ZNF280C: variants seen among roughly 807,000 people sequenced by gnomAD.
ZNF280C encodes suppressor of hairy wing homolog 3.
ZNF280C carries 14 observed loss-of-function variants against 53.6 expected under a neutral mutation model. The observed-to-expected ratio is 0.26, with a 90% CI of 0.17 to 0.41. The LOEUF (loss-of-function observed/expected upper bound fraction) is 0.41. Among genes scored for constraint, ZNF280C ranks in the 10% least tolerant of loss-of-function variants. ZNF280C has a pLI of 1.00. For missense variants in ZNF280C, 416 were observed against 547.1 expected, an observed-to-expected ratio of 0.76 and a Z score of 2.39; for synonymous variants, 203 against 181.1, an observed-to-expected ratio of 1.12 and a Z score of -0.97.
chrX:130,252,403 A>C (rs374141615), intron 2 of ZNF280C, among the ~76,000 whole-genome samples: 1 of 111,573 alleles, frequency 9.0e-6, no homozygotes, highest in East Asian at 2.8e-4. Context: ...TATCAATAAA[A>C]TTCAACACCC....
At chrX:130,213,388 G>GA (rs1243065526) in intron 15 of ZNF280C, among the ~76,000 whole-genome samples, 1 of 110,294 alleles carries the variant, frequency 9.1e-6, no homozygotes, top group Non-Finnish European at 1.9e-5. Flanking sequence ...AAAACAAAAC[G>GA]AAACAAAAAC....
At chrX:130,248,741 G>C (rs1468556840) in intron 2 of ZNF280C, among the ~76,000 whole-genome samples, 1 of 112,249 alleles carries the variant, frequency 8.9e-6, no homozygotes, top group African/African-American at 3.2e-5. Flanking sequence ...AACCGGGCTT[G>C]ACCAGCGGAG....
intron 2 of ZNF280C, among the ~76,000 whole-genome samples, chrX:130,249,594 T>C (rs1280515499): frequency 3.6e-5 from 4 of 111,637 alleles, no homozygotes; most frequent in African/African-American, 1.3e-4. Flanking sequence ...ATGAAGCCAG[T>C]TGACTGAATC....
chrX:130,222,034 T>C (rs1399977426), intron 12 of ZNF280C, among the ~76,000 whole-genome samples: 1 of 111,062 alleles, frequency 9.0e-6, no homozygotes, highest in Non-Finnish European at 1.9e-5. Context: ...TTGCTCTTCC[T>C]TGAATATCCT....
chrX:130,239,545 CTTTT>C (rs1290180209), intron 6 of ZNF280C, 33 bp downstream of exon 6: 1 of 875,195 alleles, frequency 1.1e-6, no homozygotes, highest in Non-Finnish European at 1.7e-6. Flanking sequence ...CGACAAGTCT[CTTTT>C]TATAATTTTT....
chrX:130,259,740 C>A (rs773443506), intron 2 of ZNF280C, among the ~76,000 whole-genome samples: 63 of 112,197 alleles, frequency 5.6e-4, no homozygotes, highest in African/African-American at 2.0e-3. Context: ...CGCCTGTAAT[C>A]CCAGCACTTT....
chrX:130,257,311 G>A (rs899320103), intron 2 of ZNF280C, among the ~76,000 whole-genome samples: 2 of 109,967 alleles, frequency 1.8e-5, no homozygotes, highest in African/African-American at 6.6e-5. Flanking sequence ...TAGAAAAAGA[G>A]AAAAGGAAAT....
In ZNF280C at chrX:130,215,834, G is replaced by T; in HGVS notation, c.1795C>A (p.Arg599Ser). Residue 599 changes from arginine to serine, a missense_variant, in exon 14 of 19, where the codon CGC becomes AGC. Physicochemically the swap from Arg to Ser is moderately radical, Grantham distance 110 (BLOSUM62 -1). This residue lies in a region of ZNF280C where 151 missense variants were observed against 176.9 expected (regional missense o/e 0.85). Transcript: ENST00000370978. Reference protein sequence around the residue: ...AKPSYKQKRQRNRKNKMSLAL... With the variant: ...AKPSYKQKRQSNRKNKMSLAL... ...AGGCTCATTTTATTTTTTCTGTTGC[G>T]CTGTCGCTTTTGCTTGTAAGAGGGT... is the stretch of plus-strand genomic sequence containing the variant. 1.7e-6 allele frequency: 2 copies of T among 1,207,655 alleles called. No individual in the cohort carries two copies. The highest frequency in any genetic ancestry group is 2.2e-6 in the Non-Finnish European group (2 of 893,924).
At chrX:130,243,025 G>A (rs900876319) in intron 5 of ZNF280C, among the ~76,000 whole-genome samples, 1 of 111,725 alleles carries the variant, frequency 9.0e-6, no homozygotes, top group Non-Finnish European at 1.9e-5. Flanking sequence ...TTTCAATACT[G>A]TATTTAAGCA....
At chrX:130,265,404 T>C (rs1361709997) in intron 1 of ZNF280C, among the ~76,000 whole-genome samples, 1 of 112,402 alleles carries the variant, frequency 8.9e-6, no homozygotes, top group African/African-American at 3.2e-5. Context: ...ATGTAAAAGA[T>C]ATAATATGGG....
At chrX:130,240,005 A>G (rs1431550712) in intron 5 of ZNF280C, among the ~76,000 whole-genome samples, 4 of 111,712 alleles carry the variant, frequency 3.6e-5, no homozygotes, top group African/African-American at 9.7e-5. Flanking sequence ...AGCAGTATCT[A>G]TATCAAGGGC....
chrX:130,245,727 T>C (rs1158512832), intron 3 of ZNF280C, among the ~76,000 whole-genome samples: 2 of 111,876 alleles, frequency 1.8e-5, no homozygotes, highest in Non-Finnish European at 3.8e-5. Context: ...TCTGTTTCCC[T>C]CTTTCTCTCC....
At chrX:130,208,887 G>T (rs1482576040) in intron 16 of ZNF280C, among the ~76,000 whole-genome samples, 1 of 109,811 alleles carries the variant, frequency 9.1e-6, no homozygotes, top group East Asian at 2.8e-4. Flanking sequence ...GTAGAGACAG[G>T]GTTTCGCCAT....
intron 2 of ZNF280C, among the ~76,000 whole-genome samples, chrX:130,253,937 C>T (rs1435342028): frequency 8.9e-6 from 1 of 112,107 alleles, no homozygotes; most frequent in Non-Finnish European, 1.9e-5. Flanking sequence ...AAACTATAGA[C>T]AGAGCAAAAG....
intron 2 of ZNF280C, among the ~76,000 whole-genome samples, chrX:130,252,714 G>GT (rs2124713846): frequency 1.8e-5 from 1 of 56,790 alleles, no homozygotes; most frequent in Non-Finnish European, 2.7e-5. Flanking sequence ...GTGAGACTCC[G>GT]TCTCAAAAAA....
chrX:130,264,043 AAAAGAAAG>A (rs766511417), intron 1 of ZNF280C, among the ~76,000 whole-genome samples: 215 of 102,995 alleles, frequency 2.1e-3, no homozygotes, highest in African/African-American at 5.9e-3. Flanking sequence ...AAAAAAAAAG[AAAAGAAAG>A]AAAGAAAGAA....
Position 130,204,799 on chromosome X carries a change from T to C in ZNF280C, c.*178A>G, listed in dbSNP as rs1233876566. ...AAGATATGTTAACCTGACGCAAAGA[T>C]AAGGTGGAATAACAATGTAGTGGCA... is the stretch of plus-strand genomic sequence containing the variant. On this transcript the variant is annotated 3_prime_UTR_variant, in exon 19 of 19. Coordinates refer to ENST00000370978, the MANE Select transcript of ZNF280C (RefSeq NM_017666.5). The C allele has an allele frequency of 2.7e-6, 1 of 367,376 alleles. No homozygotes were observed. Among genetic ancestry groups the C allele is most frequent in the Non-Finnish European group, 4.8e-6 (1 of 209,838 alleles). 30.3% of individuals were successfully genotyped at this position (367,376 alleles called of 1,213,427 possible).
chrX:130,266,308 G>A (rs969801848), intron 1 of ZNF280C, among the ~76,000 whole-genome samples: 1 of 111,587 alleles, frequency 9.0e-6, no homozygotes, highest in African/African-American at 3.3e-5. Flanking sequence ...TAGAAACAGA[G>A]AGTAGAAAGA....
At position 130,215,221 on chromosome X, in the gene ZNF280C, T is replaced by C; in HGVS notation, c.1951A>G (p.Asn651Asp). Residue 651 changes from asparagine (N) to aspartate (D), a missense_variant, in exon 15 of 19, where the codon AAC (asparagine) becomes GAC (aspartate). Asn to Asp is a conservative substitution (Grantham distance 23). This residue lies in a region of ZNF280C where 151 missense variants were observed against 176.9 expected (regional missense o/e 0.85). Transcript: ENST00000370978. ...CSFCKYNTNC[N>D]KAFVNHMMSS... ...ATCATATGATTTACAAAGGCTTTGT[T>C]ACAGTTAGTATTGTACTTGCAAAAA... 1 of 1,206,354 alleles carries C rather than the reference T, an allele frequency of 8.3e-7. No homozygotes were observed. The highest frequency in any genetic ancestry group is 1.1e-6 in the Non-Finnish European group (1 of 893,097).
Sources: gnomAD v4.1 joint callset for allele counts (sites outside exome capture counted in the v4.1 genomes callset) on GRCh38, gnomAD v4.1.1 for gene constraint, gnomAD v4.1.1 regional missense constraint, MANE v1.5 for transcripts, NCBI Gene and HGNC (gene_info 2026-07-23, HGNC 2026-07-21) for gene names.